The following CCM2L variants were observed in gnomAD, a reference collection of about 807,000 sequenced individuals.
CCM2L encodes the protein cerebral cavernous malformations 2 protein-like.
In CCM2L, 36 loss-of-function variants were observed where a neutral mutation model predicts 54.1. That is an observed-to-expected ratio of 0.67 (90% CI 0.51 to 0.88). CCM2L has a LOEUF of 0.88. Among genes scored for constraint, CCM2L ranks in the 40% least tolerant of loss-of-function variants. CCM2L has a pLI of 0.00. For missense variants in CCM2L, 700 were observed against 812.1 expected (o/e 0.86, Z 1.68); for synonymous variants, 351 against 359.3 (o/e 0.98, Z 0.26).
At chr20:32,014,254 TATATA>T (rs1195857302) in intron 1 of CCM2L, among the ~76,000 whole-genome samples, 2 of 137,494 alleles carry the variant, frequency 1.5e-5, no homozygotes, top group African/African-American at 2.9e-5. Context: ...TACATATATA[TATATA>T]TATTTTTTTT....
chr20:32,010,560 T>TGGGGGGGTTGGGGGGGGGGGG, intron 1 of CCM2L, 76 bp downstream of exon 1: 1 of 105,750 alleles, frequency 9.5e-6, no homozygotes, highest in African/African-American at 8.8e-5. Context: ...TGGGGCGGGG[T>TGGGGGGGTTGGGGGGGGGGGG]GGGGGGTCGG....
chr20:32,031,142 T>G lies in CCM2L; in HGVS notation c.1544T>G (p.Val515Gly), dbSNP rs1226036890. Residue 515 changes from valine to glycine, a missense_variant, in exon 10 of 10, where the codon GTG becomes GGG. Coordinates refer to ENST00000452892, the MANE Select transcript of CCM2L (RefSeq NM_001365692.1). ...ATGAGCTCCACGTCGGCCTCCGCAG[T>G]GCGCAGCTACGATGGCGCGGCGCAG... ...RSMSSTSASA[V>G]RSYDGAAQRP... 1 of 1,303,808 alleles carries G rather than the reference T, an allele frequency of 7.7e-7. No homozygotes were observed. The highest frequency in any genetic ancestry group is 1.0e-6 in the Non-Finnish European group (1 of 988,794). The allele number at this position is 1,303,808 out of a possible 1,614,324, so 80.8% of individuals were successfully genotyped here. A position where few individuals can be genotyped will look rare whatever the true frequency, so the allele number is the denominator to read the frequency against.
chr20:32,026,054 C>A, intron 7 of CCM2L, 135 bp downstream of exon 7: 1 of 546,602 alleles, frequency 1.8e-6, no homozygotes, highest in Non-Finnish European at 3.1e-6. Flanking sequence ...GGGAGGTAAA[C>A]TGAGCTCCCT....
chr20:32,031,281 C>T lies in CCM2L; in HGVS notation c.1683C>T (p.Gly561=), dbSNP rs1280888396. 3.1e-6 allele frequency: 4 copies of T among 1,290,720 alleles called. No homozygotes were observed. The highest frequency in any genetic ancestry group is 2.5e-5 in the South Asian group (2 of 80,894). 80.0% of individuals were successfully genotyped at this position (1,290,720 alleles called of 1,614,324 possible). A position where few individuals can be genotyped will look rare whatever the true frequency, so the allele number is the denominator to read the frequency against. The change falls in exon 10 of 10, where the codon GGC becomes GGT. Residue 561 remains glycine (G), a synonymous_variant. Coordinates refer to ENST00000452892, the MANE Select transcript of CCM2L (RefSeq NM_001365692.1). ...DDEDEPRGSR[G]GSDAAEDNYL ...AGGATGAGCCCCGGGGCTCCAGGGGCGGGAGCGACGCCGCAGAAGACAACT... is the reference window on the plus strand; with the variant it reads ...AGGATGAGCCCCGGGGCTCCAGGGGTGGGAGCGACGCCGCAGAAGACAACT...
At chr20:32,020,055 T>C (rs1305702015) in intron 5 of CCM2L, among the ~76,000 whole-genome samples, 1 of 152,194 alleles carries the variant, frequency 6.6e-6, no homozygotes, top group Admixed American at 6.5e-5. Flanking sequence ...ACCATGTTTC[T>C]TGAGTGCCAG....
intron 2 of CCM2L, among the ~76,000 whole-genome samples, chr20:32,016,147 C>G (rs145281405): frequency 6.6e-6 from 1 of 151,664 alleles, no homozygotes; most frequent in African/African-American, 2.4e-5. Flanking sequence ...GTGTGAGCCA[C>G]CACACCTGGC....
intron 5 of CCM2L, 45 bp downstream of exon 5, chr20:32,019,454 G>C: frequency 7.3e-7 from 1 of 1,377,452 alleles, no homozygotes; most frequent in Non-Finnish European, 9.6e-7. Flanking sequence ...CTTCGGGAAC[G>C]CTGCTTCCCC....
At position 32,018,139 on chromosome 20, in the gene CCM2L, T is replaced by C. The variant is rs756651739; in HGVS notation, c.443T>C (p.Leu148Pro). The part of the protein sequence containing the change: ...AAASYLQDDA[L>P]HLLVLKTGLG... ...GCCTCCTACCTGCAGGACGACGCGC[T>C]GCACCTGCTAGTGCTCAAGACCGGT... is the stretch of plus-strand genomic sequence containing the variant. The change falls in exon 4 of 10, where the codon CTG (leucine) becomes CCG (proline). Residue 148 changes from leucine (L) to proline (P), a missense_variant. Leu to Pro is a moderately conservative substitution (Grantham distance 98). Coordinates refer to ENST00000452892, the MANE Select transcript of CCM2L (RefSeq NM_001365692.1). 15 of 1,539,588 alleles carry C rather than the reference T, an allele frequency of 9.7e-6. No individual in the cohort carries two copies. The highest frequency in any genetic ancestry group is 1.3e-5 in the Non-Finnish European group (15 of 1,139,820).
rs2064854948 is a variant in CCM2L, at chr20:32,025,860, G to C, written c.1074G>C (p.Glu358Asp). 1 of 1,303,826 alleles carries C rather than the reference G, an allele frequency of 7.7e-7. No homozygotes were observed. The highest frequency in any genetic ancestry group is 1.0e-6 in the Non-Finnish European group (1 of 988,942). The allele number at this position is 1,303,826 out of a possible 1,614,324, so 80.8% of individuals were successfully genotyped here. The change falls in exon 7 of 10, where the codon GAG (glutamate) becomes GAC (aspartate). Residue 358 changes from glutamate to aspartate, a missense_variant. Glu to Asp is a conservative substitution (Grantham distance 45). Transcript: ENST00000452892. ...CCCTCTGTCTGCTGGTCCCAGGTGAGAGCTGCCACACAGATGGGACGTATG... is the reference window on the plus strand; with the variant it reads ...CCCTCTGTCTGCTGGTCCCAGGTGACAGCTGCCACACAGATGGGACGTATG... Reference protein sequence around the residue: ...PERPWLCSRSESCHTDGTYAY... With the variant: ...PERPWLCSRSDSCHTDGTYAY...
intron 1 of CCM2L, among the ~76,000 whole-genome samples, chr20:32,010,812 A>G (rs2064687350): frequency 6.6e-6 from 1 of 152,128 alleles, no homozygotes; most frequent in African/African-American, 2.4e-5. Context: ...CCTCTCAGAC[A>G]GACGGACAGA....
chr20:32,029,043 A>G lies in CCM2L; in HGVS notation c.1182A>G (p.Thr394=). ...AAGCATGTTACAGCGGCACGTCCAC[A>G]CCTTCTTTCCATGGCTCCCACTGCA... ...TFEACYSGTS[T]PSFHGSHCSG... The change falls in exon 8 of 10, where the codon ACA becomes ACG. Residue 394 remains threonine, a synonymous_variant. Transcript: ENST00000452892. 1 of 1,613,956 alleles carries G rather than the reference A, an allele frequency of 6.2e-7. No individual in the cohort carries two copies. The highest frequency in any genetic ancestry group is 8.5e-7 in the Non-Finnish European group (1 of 1,179,934).
At chr20:32,010,742 T>A (rs1349495994) in intron 1 of CCM2L, among the ~76,000 whole-genome samples, 1 of 152,078 alleles carries the variant, frequency 6.6e-6, no homozygotes, top group East Asian at 1.9e-4. Context: ...CCAGACGGAC[T>A]CAGTTTGGGA....
In CCM2L at chr20:32,022,793, G is replaced by T. The variant is rs376576656; in HGVS notation, c.1067G>T (p.Arg356Leu). 1 of 1,612,660 alleles carries T rather than the reference G, an allele frequency of 6.2e-7. No homozygotes were observed. Among genetic ancestry groups the T allele is most frequent in the Non-Finnish European group, 8.5e-7 (1 of 1,179,940 alleles). ...CCTGAACGGCCATGGCTCTGCAGCC[G>T]CAGTGAGTACCAGAACTCCTGGCCT... is the stretch of plus-strand genomic sequence containing the variant. ...STPERPWLCS[R>L]SESCHTDGTY... The change falls in exon 6 of 10, where the codon CGC becomes CTC. Residue 356 changes from arginine to leucine, a missense_variant and splice_region_variant. By Grantham distance (102) the Arg-to-Leu change is moderately radical. Coordinates refer to ENST00000452892, the MANE Select transcript of CCM2L (RefSeq NM_001365692.1).
intron 4 of CCM2L, 73 bp from the exon 5 acceptor site, chr20:32,018,870 A>C: frequency 8.1e-7 from 1 of 1,236,464 alleles, no homozygotes; most frequent in South Asian, 2.8e-5. Context: ...TCAGGTGGCC[A>C]GCCGGCCTCG....
At chr20:32,014,775 C>T (rs1373265883) in intron 1 of CCM2L, 129 bp from the exon 2 acceptor site, 9 of 872,784 alleles carry the variant, frequency 1.0e-5, no homozygotes, top group African/African-American at 1.8e-5. Context: ...TAAAATGGGA[C>T]TTACAGAGGT....
At position 32,018,123 on chromosome 20, in the gene CCM2L, C is replaced by T; in HGVS notation, c.427C>T (p.Leu143=). The T allele has an allele frequency of 1.2e-6, 2 of 1,606,966 alleles. No individual in the cohort carries two copies. The highest frequency in any genetic ancestry group is 1.7e-6 in the Non-Finnish European group (2 of 1,178,152). ...PTHEIAAASY[L]QDDALHLLVL... is the part of the protein sequence containing the mutation. ...GCACGAGATCGCCGCCGCCTCCTAC[C>T]TGCAGGACGACGCGCTGCACCTGCT... The change falls in exon 4 of 10, where the codon CTG becomes TTG. Residue 143 remains leucine, a synonymous_variant. Transcript: ENST00000452892.
At position 32,013,260 on chromosome 20, in the gene CCM2L, C is replaced by T. The variant is rs536084803; in HGVS notation, c.31-1644C>T. Reference sequence around the variant, plus strand: ...GCTGCAGTGAGCTATGATTGTGCCACTGCACTTCAATCTGGGCAACAGAGC... The same window carrying T: ...GCTGCAGTGAGCTATGATTGTGCCATTGCACTTCAATCTGGGCAACAGAGC... On this transcript the variant is annotated intron_variant, in intron 1 of 9. Coordinates refer to ENST00000452892, the MANE Select transcript of CCM2L (RefSeq NM_001365692.1). 1.1e-4 allele frequency among the ~76,000 whole-genome samples: 16 copies of T among 152,294 alleles called. No homozygotes were observed. In the South Asian group the frequency reaches 3.3e-3, roughly 32 times the overall value.
At chr20:32,016,220 A>AG (rs1354422283) in intron 2 of CCM2L, among the ~76,000 whole-genome samples, 1 of 152,136 alleles carries the variant, frequency 6.6e-6, no homozygotes, top group Admixed American at 6.5e-5. Context: ...ATATGGGGGT[A>AG]GGGTTGTCTG....
chr20:32,011,432 C>T (rs549935190), intron 1 of CCM2L, among the ~76,000 whole-genome samples: 5 of 152,170 alleles, frequency 3.3e-5, no homozygotes, highest in Non-Finnish European at 7.4e-5. Flanking sequence ...TGGCGAAACC[C>T]TGTCTCTACT....
Sources: gnomAD v4.1 joint callset for allele counts (sites outside exome capture counted in the v4.1 genomes callset) on GRCh38, gnomAD v4.1.1 for gene constraint, MANE v1.5 for transcripts, NCBI Gene and HGNC (gene_info 2026-07-23, HGNC 2026-07-21) for gene names.